Variants in SLC22A23 observed in about 807,000 individuals in gnomAD.
SLC22A23 encodes the protein ion transporter protein.
In SLC22A23, 26 loss-of-function variants were observed where a neutral mutation model predicts 61.0. The ratio of observed to expected loss-of-function variants is 0.43; its 90% CI spans 0.31 to 0.59. The LOEUF (loss-of-function observed/expected upper bound fraction) is 0.59, where lower values mean the gene tolerates loss of function less well. SLC22A23 is among the 20% of genes least tolerant of loss of function. The pLI is 0.11. For synonymous variants in SLC22A23, 430 were observed against 413.9 expected (o/e 1.04, Z -0.47); for missense variants, 796 against 934.7 (o/e 0.85, Z 1.94).
chr6:3,302,057 C>T (rs965079354), intron 4 of SLC22A23, among the ~76,000 whole-genome samples: 1 of 152,178 alleles, frequency 6.6e-6, no homozygotes, highest in Non-Finnish European at 1.5e-5. Context: ...CAGTGAAGCC[C>T]TCTGGTCCTG....
At position 3,339,434 on chromosome 6, in the gene SLC22A23, G is replaced by C. The variant is rs932791472; in HGVS notation, c.914-15432C>G. On this transcript the variant is annotated intron_variant, in intron 3 of 9. Transcript: ENST00000406686. ...CACTTTCCAATTCATAATGTCAGAG[G>C]CATGTGAGCCAGAACAACTCCATCT... is the stretch of plus-strand genomic sequence containing the variant. Among the ~76,000 whole-genome samples the C allele has an allele frequency of 5.0e-4, 76 of 152,160 alleles. 1 individual carries two copies. The highest frequency in any genetic ancestry group is 9.4e-4 in the Non-Finnish European group (64 of 68,038).
intron 4 of SLC22A23, chr6:3,303,059 G>A (rs1176006767): frequency 1.3e-5 from 2 of 152,066 alleles, no homozygotes; most frequent in Non-Finnish European, 2.9e-5. Context: ...AATCTGAATA[G>A]ACATTTCTTA....
At chr6:3,369,595 G>A (rs536722662) in intron 3 of SLC22A23, among the ~76,000 whole-genome samples, 2 of 151,994 alleles carry the variant, frequency 1.3e-5, no homozygotes, top group South Asian at 4.2e-4. Flanking sequence ...GGAGGCTGAG[G>A]CAGGAGAATG....
intron 1 of SLC22A23, among the ~76,000 whole-genome samples, chr6:3,440,777 G>A (rs899357575): frequency 6.6e-6 from 1 of 152,032 alleles, no homozygotes. Flanking sequence ...GTGAGGACAC[G>A]AAGACAGCCA....
At position 3,454,120 on chromosome 6, in the gene SLC22A23, G is replaced by A. The variant is rs1416983721; in HGVS notation, c.654+1786C>T. 6.6e-6 allele frequency among the ~76,000 whole-genome samples: 1 copy of A among 152,040 alleles called. No individual in the cohort carries two copies. The highest frequency in any genetic ancestry group is 1.5e-5 in the Non-Finnish European group (1 of 68,004). ...ATAAGAAAATGTGTGTCTAATTATT[G>A]TTCCCAGGTTTCCCCTCTCAGTCTG... On this transcript the variant is annotated intron_variant, in intron 1 of 9. Transcript: ENST00000406686. This position sits in a 1 kb window ranked among gnomAD's most constrained non-coding sequence, Gnocchi z 4.3.
chr6:3,381,077 G>A lies in SLC22A23; in HGVS notation c.913+29111C>T, dbSNP rs193118917. Among the ~76,000 whole-genome samples the A allele has an allele frequency of 7.6e-4, 116 of 152,292 alleles. 2 individuals are homozygous for A. The highest frequency in any genetic ancestry group is 5.9e-5 in the Non-Finnish European group (4 of 68,024). ...TCGTATGTGAAGGCACTGACACCAC[G>A]TCCTGGGTGCTTTGTGTCCTTAGGG... On this transcript the variant is annotated intron_variant, in intron 3 of 9. Transcript: ENST00000406686.
intron 1 of SLC22A23, chr6:3,432,059 C>G: frequency 1.6e-5 from 4 of 247,410 alleles, no homozygotes; most frequent in Non-Finnish European, 2.6e-5. Flanking sequence ...TTCTGTAATC[C>G]CCACAAAGCT....
intron 9 of SLC22A23, among the ~76,000 whole-genome samples, chr6:3,277,191 G>GA (rs1347296057): frequency 1.3e-5 from 2 of 152,104 alleles, no homozygotes; most frequent in African/African-American, 4.8e-5. Context: ...ACTGGGAGGC[G>GA]AACAGGATGA....
At chr6:3,389,340 C>T (rs1044886819) in intron 3 of SLC22A23, among the ~76,000 whole-genome samples, 1 of 147,692 alleles carries the variant, frequency 6.8e-6, no homozygotes, top group African/African-American at 2.5e-5. Flanking sequence ...GACAGAAGCA[C>T]GATGCGAATA....
intron 5 of SLC22A23, 96 bp from the exon 6 acceptor site, chr6:3,289,962 C>A (rs1760419315): frequency 1.2e-6 from 1 of 807,736 alleles, no homozygotes; most frequent in East Asian, 2.7e-5. Flanking sequence ...GTTCGGGTAC[C>A]ACAGAAGGGA....
chr6:3,335,289 C>G (rs759133400), intron 3 of SLC22A23, among the ~76,000 whole-genome samples: 5 of 152,176 alleles, frequency 3.3e-5, no homozygotes, highest in Admixed American at 6.5e-5. Flanking sequence ...GGCTCCGAGG[C>G]CTTCTAACAC....
chr6:3,352,313 GCACA>G (rs1261719135), intron 3 of SLC22A23, among the ~76,000 whole-genome samples: 1 of 150,216 alleles, frequency 6.7e-6, no homozygotes, highest in Admixed American at 6.6e-5. Flanking sequence ...TTACAAGCAT[GCACA>G]CACAGACATG....
intron 5 of SLC22A23, among the ~76,000 whole-genome samples, chr6:3,295,854 AGGT>A (rs1761041242): frequency 1.3e-5 from 2 of 152,136 alleles, no homozygotes; most frequent in Non-Finnish European, 2.9e-5. Context: ...CTCCCCAAGG[AGGT>A]GAAGCCTCTA....
intron 3 of SLC22A23, among the ~76,000 whole-genome samples, chr6:3,368,409 A>ATG (rs1418058697): frequency 1.3e-5 from 2 of 152,338 alleles, no homozygotes; most frequent in Admixed American, 6.5e-5. Flanking sequence ...GCATGTGTGC[A>ATG]TGTGTGTGTA....
chr6:3,391,046 A>T (rs1242070427), intron 3 of SLC22A23, among the ~76,000 whole-genome samples: 1 of 152,218 alleles, frequency 6.6e-6, no homozygotes, highest in African/African-American at 2.4e-5. Context: ...AAGATACAAG[A>T]TCAGCCCTGT....
rs60880355 is a variant in SLC22A23, at chr6:3,414,721, C to CAAAAAAA, written c.758+1024_758+1030dup. Among the ~76,000 whole-genome samples the CAAAAAAA allele has an allele frequency of 1.3e-3, 119 of 89,502 alleles. No homozygotes were observed. Among genetic ancestry groups the CAAAAAAA allele is most frequent in the African/African-American group, 4.9e-3 (113 of 22,832 alleles). 58.7% of individuals were successfully genotyped at this position (89,502 alleles called of 152,430 possible). ...TCAAGGCCAAGATGTCTCGATTCAC[C>CAAAAAAA]AAAAAAAAAAAAAAAAAAAAAAATC... is the stretch of plus-strand genomic sequence containing the variant. On this transcript the variant is annotated intron_variant, in intron 2 of 9. Coordinates refer to ENST00000406686, the MANE Select transcript of SLC22A23 (RefSeq NM_015482.2). The surrounding 1 kb of genome is among the most constrained non-coding windows in gnomAD (Gnocchi z 5.1).
chr6:3,359,947 G>C (rs926916303), intron 3 of SLC22A23, among the ~76,000 whole-genome samples: 1 of 151,982 alleles, frequency 6.6e-6, no homozygotes, highest in African/African-American at 2.4e-5. Context: ...ACTTATTTTT[G>C]TCCTTAGAGG....
Position 3,286,942 on chromosome 6 carries a change from C to A in SLC22A23, c.1463G>T (p.Arg488Leu). 6.2e-7 allele frequency: 1 copy of A among 1,613,992 alleles called. No individual in the cohort carries two copies. The highest frequency in any genetic ancestry group is 8.5e-7 in the Non-Finnish European group (1 of 1,180,008). ...CAGCCCTCCCCTGCGCCCGAGGAAT[C>A]GGACCACCACGCACATGGCCAGGCA... ...VSCLAMCVVV[R>L]FLGRRGGLLL... The change falls in exon 7 of 10, where the codon CGA (arginine) becomes CTA (leucine). Residue 488 changes from arginine (R) to leucine (L), a missense_variant. Physicochemically the swap from Arg to Leu is moderately radical, Grantham distance 102. Coordinates refer to ENST00000406686, the MANE Select transcript of SLC22A23 (RefSeq NM_015482.2). This position sits in a 1 kb window ranked among gnomAD's most constrained non-coding sequence, Gnocchi z 4.2.
chr6:3,314,766 T>C (rs1046747871), intron 4 of SLC22A23, among the ~76,000 whole-genome samples: 7 of 152,174 alleles, frequency 4.6e-5, no homozygotes, highest in Non-Finnish European at 1.0e-4. Flanking sequence ...TGTCTGTTTT[T>C]TTCTAAGGGT....
Sources: allele counts gnomAD v4.1 joint callset (sites outside exome capture counted in the v4.1 genomes callset), GRCh38; gene constraint gnomAD v4.1.1; non-coding constraint Gnocchi (gnomAD v3.1); transcripts MANE v1.5; gene names NCBI Gene and HGNC (gene_info 2026-07-23, HGNC 2026-07-21).